The following IQANK1 variants were observed in gnomAD, a reference collection of about 807,000 sequenced individuals.
IQANK1 encodes IQ motif and ankyrin repeat containing 1.
In IQANK1, 30 loss-of-function variants were observed where a neutral mutation model predicts 22.6. The observed-to-expected ratio is 1.33, with a 90% CI of 0.99 to 1.80. IQANK1 has a LOEUF of 1.80. Ranked by LOEUF, IQANK1 falls within the 40% of genes most tolerant of loss-of-function variation. The pLI, the probability that IQANK1 is intolerant of heterozygous loss-of-function variation, is 0.00. For synonymous variants in IQANK1, 122 were observed against 99.6 expected, an observed-to-expected ratio of 1.23 and a Z score of -1.34; for missense variants, 275 against 235.2, an observed-to-expected ratio of 1.17 and a Z score of -1.11.
intron 3 of IQANK1, among the ~76,000 whole-genome samples, chr8:143,749,400 TATC>T (rs1389282192): frequency 5.3e-5 from 7 of 131,044 alleles, no homozygotes; most frequent in Admixed American, 1.6e-4. Context: ...TATAATTATA[TATC>T]ATATCATATA....
At chr8:143,740,176 C>T (rs1209828620) in intron 3 of IQANK1, among the ~76,000 whole-genome samples, 1 of 152,078 alleles carries the variant, frequency 6.6e-6, no homozygotes, top group East Asian at 1.9e-4. Flanking sequence ...CGCCCACCTC[C>T]TGGTGCTCCA....
chr8:143,785,759 C>G (rs1489751600), intron 7 of IQANK1, among the ~76,000 whole-genome samples: 2 of 149,352 alleles, frequency 1.3e-5, no homozygotes, highest in Admixed American at 1.3e-4. Context: ...TGGAATCTTG[C>G]TCTGTCACCC....
At chr8:143,765,490 C>A (rs1819468178) in intron 3 of IQANK1, among the ~76,000 whole-genome samples, 1 of 152,146 alleles carries the variant, frequency 6.6e-6, no homozygotes, top group South Asian at 2.1e-4. Flanking sequence ...GTTTGCATTT[C>A]ATGGAATGTG....
intron 3 of IQANK1, among the ~76,000 whole-genome samples, chr8:143,756,216 A>C (rs576137221): frequency 6.6e-6 from 1 of 152,320 alleles, no homozygotes; most frequent in South Asian, 2.1e-4. Context: ...GAACTAAGTC[A>C]ATATTTTCTT....
intron 3 of IQANK1, among the ~76,000 whole-genome samples, chr8:143,770,743 G>A (rs1819556016): frequency 6.6e-6 from 1 of 152,248 alleles, no homozygotes; most frequent in Non-Finnish European, 1.5e-5. Flanking sequence ...ACACCCACGG[G>A]GCGCACGCTG....
chr8:143,737,752 C>G (rs1348721077), intron 2 of IQANK1, among the ~76,000 whole-genome samples: 2 of 152,206 alleles, frequency 1.3e-5, no homozygotes, highest in Non-Finnish European at 2.9e-5. Context: ...CCTCCTGTAG[C>G]TGCTGCAGCC....
chr8:143,787,717 C>A (rs565257171), intron 7 of IQANK1, among the ~76,000 whole-genome samples: 1 of 152,274 alleles, frequency 6.6e-6, no homozygotes, highest in East Asian at 1.9e-4. Flanking sequence ...ACCCCTTGCT[C>A]TGTGGGAACG....
In IQANK1 at chr8:143,790,203, T is replaced by TGTGGACACG; in HGVS notation, c.1360_1368dup (p.Asp454_Val456dup). On this transcript the variant is annotated inframe_insertion, in exon 13 of 14. Coordinates refer to ENST00000527139, the MANE Select transcript of IQANK1 (RefSeq NM_001381874.1). ...TCCTGCGCTACCAGGATACCAACTA[T>TGTGGACACG]GTGGACACGGTGAACCCGGAGCCCC... 3.2e-6 allele frequency: 4 copies of TGTGGACACG among 1,232,110 alleles called. No homozygotes were observed. The highest frequency in any genetic ancestry group is 4.0e-6 in the Non-Finnish European group (4 of 988,014). The allele number at this position is 1,232,110 out of a possible 1,614,324, so 76.3% of individuals were successfully genotyped here. A position where few individuals can be genotyped will look rare whatever the true frequency, so the allele number is the denominator to read the frequency against.
intron 10 of IQANK1, 89 bp downstream of exon 10, chr8:143,789,617 C>T (rs1819978401): frequency 8.2e-7 from 1 of 1,226,032 alleles, no homozygotes; most frequent in African/African-American, 1.6e-5. Context: ...GCTCCCAGGC[C>T]TGGGGTTTTT....
At chr8:143,787,830 G>A (rs552712085) in intron 7 of IQANK1, among the ~76,000 whole-genome samples, 42 of 151,972 alleles carry the variant, frequency 2.8e-4, no homozygotes, top group Middle Eastern at 3.4e-3. Context: ...GCTCACCCGC[G>A]CACCCCTAAC....
intron 7 of IQANK1, among the ~76,000 whole-genome samples, chr8:143,776,647 CAGG>C (rs1436605847): frequency 6.6e-6 from 1 of 152,256 alleles, no homozygotes; most frequent in East Asian, 1.9e-4. Context: ...ACTGAGGCAG[CAGG>C]AGATCACAAG....
At chr8:143,744,118 C>T (rs1818981361) in intron 3 of IQANK1, 1 of 208,392 alleles carries the variant, frequency 4.8e-6, no homozygotes, top group Non-Finnish European at 9.9e-6. Context: ...AGGCGTGAGC[C>T]ACCAGGCCTG....
intron 3 of IQANK1, among the ~76,000 whole-genome samples, chr8:143,749,557 T>G (rs1287106507): frequency 1.5e-5 from 2 of 135,114 alleles, no homozygotes; most frequent in African/African-American, 2.8e-5. Context: ...ATGATATATA[T>G]CATATATATC....
At chr8:143,767,988 A>G (rs529774380) in intron 3 of IQANK1, among the ~76,000 whole-genome samples, 327 of 133,458 alleles carry the variant, frequency 2.5e-3, no homozygotes, top group African/African-American at 8.7e-3. Context: ...GGTTCAAGTG[A>G]TTCTTCCTGC....
chr8:143,751,281 T>C (rs1490602886), intron 3 of IQANK1, among the ~76,000 whole-genome samples: 4 of 152,050 alleles, frequency 2.6e-5, no homozygotes, highest in Admixed American at 6.6e-5. Flanking sequence ...ACCAAAATTA[T>C]AGTAATAGTA....
intron 3 of IQANK1, among the ~76,000 whole-genome samples, chr8:143,768,084 T>C (rs1472973365): frequency 2.0e-5 from 3 of 151,390 alleles, no homozygotes; most frequent in African/African-American, 7.3e-5. Flanking sequence ...GGTTTCACCA[T>C]GTCGGCCAGG....
rs541717758 is a variant in IQANK1, at chr8:143,749,664, C to T, written c.175+9716C>T. ...AGGCTGGAGTGCAGTGGCATGATCT[C>T]GGCTCACTGCAATCTCCACCTCCTG... On this transcript the variant is annotated intron_variant, in intron 3 of 13. Transcript: ENST00000527139. 6.9e-5 allele frequency among the ~76,000 whole-genome samples: 10 copies of T among 145,066 alleles called. No individual in the cohort carries two copies. The South Asian group carries it at 1.3e-3, about 19-fold the overall frequency.
At chr8:143,770,812 C>A (rs1465145820) in intron 3 of IQANK1, among the ~76,000 whole-genome samples, 1 of 152,262 alleles carries the variant, frequency 6.6e-6, no homozygotes, top group Non-Finnish European at 1.5e-5. Context: ...TAGAAAGCTG[C>A]AGGTATCGTT....
chr8:143,788,314 C>T (rs1476691594), intron 7 of IQANK1, among the ~76,000 whole-genome samples: 1 of 152,246 alleles, frequency 6.6e-6, no homozygotes, highest in Non-Finnish European at 1.5e-5. Flanking sequence ...CCAAGCATCA[C>T]CCCTGCTCCA....
Sources: gnomAD v4.1 joint callset for allele counts (sites outside exome capture counted in the v4.1 genomes callset) on GRCh38, gnomAD v4.1.1 for gene constraint, MANE v1.5 for transcripts, NCBI Gene and HGNC (gene_info 2026-07-23, HGNC 2026-07-21) for gene names.